GLI2: variants seen among roughly 807,000 people sequenced by gnomAD.
GLI2 encodes GLI family zinc finger 2.
Under a neutral mutation model 78.9 loss-of-function variants are expected in GLI2, and 22 were observed. The ratio of observed to expected loss-of-function variants is 0.28; its 90% CI spans 0.20 to 0.40. The LOEUF (loss-of-function observed/expected upper bound fraction) is 0.40, where lower values mean the gene tolerates loss of function less well. GLI2 is among the 10% of genes least tolerant of loss of function. The probability of loss-of-function intolerance (pLI) is 1.00; values close to 1 mark genes in which losing one functional copy is unlikely to be tolerated. For missense variants in GLI2, 2,097 were observed against 2,213.2 expected, an observed-to-expected ratio of 0.95 and a Z score of 1.05; for synonymous variants, 974 against 963.7, an observed-to-expected ratio of 1.01 and a Z score of -0.20.
chr2:120,989,960 C>G lies in GLI2; in HGVS notation c.3995C>G (p.Pro1332Arg). 6.2e-7 allele frequency: 1 copy of G among 1,611,250 alleles called. No homozygotes were observed. The highest frequency in any genetic ancestry group is 8.5e-7 in the Non-Finnish European group (1 of 1,179,170). ...QVPSLLPARQ[P>R]GFMEPQTGPM... ...CCCAGCCTTCTGCCTGCCCGCCAGC[C>G]TGGCTTCATGGAGCCCCAAACAGGC... Residue 1332 changes from proline (P) to arginine (R), a missense_variant, in exon 14 of 14, where the codon CCT becomes CGT. By Grantham distance (103) the Pro-to-Arg change is moderately radical. Transcript: ENST00000361492.
At chr2:120,834,759 A>G (rs1395782734) in intron 2 of GLI2, among the ~76,000 whole-genome samples, 2 of 152,164 alleles carry the variant, frequency 1.3e-5, no homozygotes, top group Admixed American at 1.3e-4. Flanking sequence ...GTCCCCCTGC[A>G]GTGATGGCTA....
chr2:120,916,069 TC>T (rs1679083008), intron 2 of GLI2, among the ~76,000 whole-genome samples: 1 of 152,138 alleles, frequency 6.6e-6, no homozygotes, highest in South Asian at 2.1e-4. Flanking sequence ...TGAGTCTCCC[TC>T]CCGGGGTGGT....
At chr2:120,854,381 G>A (rs533445363) in intron 2 of GLI2, among the ~76,000 whole-genome samples, 4 of 152,276 alleles carry the variant, frequency 2.6e-5, no homozygotes, top group South Asian at 4.2e-4. Context: ...TTCCAGCCGC[G>A]CATAGCCTTC....
In GLI2 at chr2:120,788,795, C is replaced by T. The variant is rs59389866; in HGVS notation, c.-30-8496C>T. ...TTTGTATGGTGCCCACCCCTGGCCA[C>T]ACTGGGAGGGTGAGGGCTTTGGCCA... On this transcript the variant is annotated intron_variant, in intron 1 of 13. Coordinates refer to ENST00000361492, the MANE Select transcript of GLI2 (RefSeq NM_001374353.1). Among the ~76,000 whole-genome samples, 745 of 152,268 alleles carry T rather than the reference C, an allele frequency of 4.9e-3. 6 individuals are homozygous for T. Among genetic ancestry groups the T allele is most frequent in the African/African-American group, 0.017 (711 of 41,562 alleles).
chr2:120,867,438 A>C (rs1031822628), intron 2 of GLI2: 11 of 152,238 alleles, frequency 7.2e-5, no homozygotes, highest in Non-Finnish European at 1.6e-4. Context: ...TAAATGATTC[A>C]TGCAGCCCCG....
intron 2 of GLI2, among the ~76,000 whole-genome samples, chr2:120,811,782 C>G (rs1685252900): frequency 6.6e-6 from 1 of 152,092 alleles, no homozygotes; most frequent in Non-Finnish European, 1.5e-5. Flanking sequence ...GCATTCCATA[C>G]CCACAAATGA....
At chr2:120,928,834 A>G (rs1679815222) in intron 3 of GLI2, among the ~76,000 whole-genome samples, 1 of 152,238 alleles carries the variant, frequency 6.6e-6, no homozygotes, top group African/African-American at 2.4e-5. Context: ...GCTTTCTTGT[A>G]TATGCTTCAC....
intron 2 of GLI2, among the ~76,000 whole-genome samples, chr2:120,879,254 A>G (rs1688919454): frequency 6.6e-6 from 1 of 152,156 alleles, no homozygotes; most frequent in South Asian, 2.1e-4. Flanking sequence ...TCCCAGGACA[A>G]TGGGTGAGAT....
At chr2:120,919,080 G>A (rs971331903) in intron 2 of GLI2, among the ~76,000 whole-genome samples, 5 of 152,108 alleles carry the variant, frequency 3.3e-5, no homozygotes, top group Admixed American at 2.0e-4. Flanking sequence ...CAAAGATATT[G>A]GTGTATTTTG....
chr2:120,909,335 C>G (rs1167276221), intron 2 of GLI2, among the ~76,000 whole-genome samples: 2 of 152,132 alleles, frequency 1.3e-5, no homozygotes, highest in African/African-American at 4.8e-5. Context: ...AGCTCCCCTC[C>G]CCTGCTGCCC....
intron 2 of GLI2, among the ~76,000 whole-genome samples, chr2:120,889,974 A>T (rs1677599982): frequency 6.6e-6 from 1 of 152,202 alleles, no homozygotes; most frequent in African/African-American, 2.4e-5. Context: ...ATTCCAGAGA[A>T]GTGAAAATTT....
intron 5 of GLI2, among the ~76,000 whole-genome samples, chr2:120,955,843 T>TG (rs1046610510): frequency 1.3e-5 from 2 of 150,966 alleles, no homozygotes; most frequent in African/African-American, 2.4e-5. Flanking sequence ...AGTTGAAATC[T>TG]GGGGGGCGAG....
At chr2:120,979,900 A>G (rs1224550510) in intron 10 of GLI2, among the ~76,000 whole-genome samples, 1 of 152,206 alleles carries the variant, frequency 6.6e-6, no homozygotes, top group East Asian at 1.9e-4. Context: ...ATCATACAAT[A>G]TGTGCATTTG....
chr2:120,779,936 G>A (rs759636153), intron 1 of GLI2, among the ~76,000 whole-genome samples: 3 of 152,228 alleles, frequency 2.0e-5, no homozygotes, highest in South Asian at 2.1e-4. Flanking sequence ...TTGTGTGTGC[G>A]TATGTGTCAC....
chr2:120,753,057 G>A (rs917633908), intron 1 of GLI2, among the ~76,000 whole-genome samples: 20 of 151,202 alleles, frequency 1.3e-4, no homozygotes, highest in Admixed American at 4.6e-4. Flanking sequence ...GTAAAACTTC[G>A]GGGTATAAGG....
At chr2:120,963,460 C>G (rs1681682455) in intron 5 of GLI2, among the ~76,000 whole-genome samples, 1 of 147,366 alleles carries the variant, frequency 6.8e-6, no homozygotes, top group Non-Finnish European at 1.5e-5. Context: ...TGTGTGCGCG[C>G]ACGCGCATCC....
intron 1 of GLI2, among the ~76,000 whole-genome samples, chr2:120,786,138 C>G (rs1683991534): frequency 6.6e-6 from 1 of 152,190 alleles, no homozygotes; most frequent in South Asian, 2.1e-4. Flanking sequence ...GCAGCTCTCC[C>G]CACCACCCTG....
chr2:120,896,808 C>T (rs1047485647), intron 2 of GLI2, among the ~76,000 whole-genome samples: 1 of 152,026 alleles, frequency 6.6e-6, no homozygotes. Flanking sequence ...TCAAGAGTCA[C>T]CAAGAGTTAA....
intron 2 of GLI2, among the ~76,000 whole-genome samples, chr2:120,908,940 A>G (rs1678677048): frequency 6.6e-6 from 1 of 152,058 alleles, no homozygotes; most frequent in South Asian, 2.1e-4. Context: ...TAGTGCCTAG[A>G]TCACCCCCCG....
Sources: allele counts gnomAD v4.1 joint callset (sites outside exome capture counted in the v4.1 genomes callset), GRCh38; gene constraint gnomAD v4.1.1; transcripts MANE v1.5; gene names NCBI Gene and HGNC (gene_info 2026-07-23, HGNC 2026-07-21).